KCNA2: variants seen among roughly 807,000 people sequenced by gnomAD.
The protein encoded by KCNA2 is potassium voltage-gated channel subfamily A member 2.
A neutral mutation model predicts 33.4 loss-of-function variants in KCNA2; 11 were observed. That is an observed-to-expected ratio of 0.33 (90% confidence interval 0.21 to 0.55). KCNA2 has a LOEUF of 0.55. KCNA2 is among the 20% of genes least tolerant of loss of function. The pLI is 0.93. For synonymous variants in KCNA2, 222 were observed against 231.3 expected, an observed-to-expected ratio of 0.96 and a Z score of 0.37; for missense variants, 291 against 621.6, an observed-to-expected ratio of 0.47 and a Z score of 5.66.
Position 110,625,615 on chromosome 1 carries a change from C to A in KCNA2, c.-496+5780G>T, listed in dbSNP as rs61784716. Among the ~76,000 whole-genome samples the A allele has an allele frequency of 4.9e-3, 749 of 152,074 alleles. 4 individuals carry two copies. Among genetic ancestry groups the A allele is most frequent in the Middle Eastern group, 0.014 (4 of 294 alleles). ...TTGATAAATTCAATTACAACAACAA[C>A]AAAACTTTTGCACAGTAAAAAATAT... On this transcript the variant is annotated intron_variant, in intron 1 of 4. Coordinates refer to the KCNA2 transcript ENST00000369770.
upstream of KCNA2, chr1:110,607,520 G>A (rs2101419709): frequency 6.6e-6 from 1 of 152,420 alleles, no homozygotes; most frequent in East Asian, 1.9e-4. Context: ...CCGCCACCGA[G>A]CTCGTCACCT....
At position 110,602,117 on chromosome 1, in the gene KCNA2, G is replaced by A. The variant is rs1022138659; in HGVS notation, c.*1166C>T. On this transcript the variant is annotated 3_prime_UTR_variant, in exon 3 of 3. Transcript: ENST00000316361. The stretch of plus-strand genomic sequence containing the variant: ...TTCCTAAGGTGCAGTCATGTGAGGT[G>A]TTCAGATGCTGCCTTCCCCGCTTAC... The A allele has an allele frequency of 6.4e-6, 10 of 1,550,504 alleles. No homozygotes were observed. Among genetic ancestry groups the A allele is most frequent in the Non-Finnish European group, 8.7e-6 (10 of 1,146,988 alleles).
Position 110,598,133 on chromosome 1 carries a change from G to T in KCNA2, c.*5150C>A. 3 of 899,940 alleles carry T rather than the reference G, an allele frequency of 3.3e-6. No homozygotes were observed. Among genetic ancestry groups the T allele is most frequent in the Non-Finnish European group, 2.7e-6 (2 of 751,958 alleles). 55.7% of individuals were successfully genotyped at this position (899,940 alleles called of 1,614,324 possible). ...GGTCATGAGTTCAAACCCGGCAATG[G>T]ATACCTTGCCAAGGCTAGGGGAACC... On this transcript the variant is annotated 3_prime_UTR_variant, in exon 3 of 3. Transcript: ENST00000316361.
At chr1:110,624,873 G>A (rs891904207) in intron 1 of KCNA2, among the ~76,000 whole-genome samples, 3 of 152,142 alleles carry the variant, frequency 2.0e-5, no homozygotes, top group Non-Finnish European at 2.9e-5. Flanking sequence ...GGTTGATATC[G>A]GTGAAAAGTC....
intron 1 of KCNA2, among the ~76,000 whole-genome samples, chr1:110,621,511 G>C (rs1160645823): frequency 6.6e-6 from 1 of 152,034 alleles, no homozygotes; most frequent in Non-Finnish European, 1.5e-5. Flanking sequence ...GATTAGAATG[G>C]AAATTGATAA....
chr1:110,597,423 T>C lies in KCNA2; in HGVS notation c.*5860A>G. 3.0e-6 allele frequency: 3 copies of C among 985,376 alleles called. No individual in the cohort carries two copies. Among genetic ancestry groups the C allele is most frequent in the Non-Finnish European group, 3.6e-6 (3 of 829,932 alleles). The allele number at this position is 985,376 out of a possible 1,614,324, so 61.0% of individuals were successfully genotyped here. A position where few individuals can be genotyped will look rare whatever the true frequency, so the allele number is the denominator to read the frequency against. On this transcript the variant is annotated 3_prime_UTR_variant, in exon 3 of 3. Coordinates refer to ENST00000316361, the MANE Select transcript of KCNA2 (RefSeq NM_004974.4). ...TGAAAAGGTCACACAAACTTAGGAT[T>C]TTCATGCCTAGAGGTTGTAAGGATG...
In KCNA2 at chr1:110,598,143, CAA is replaced by C; in HGVS notation, c.*5138_*5139del. 1.1e-6 allele frequency: 1 copy of C among 877,104 alleles called. No individual in the cohort carries two copies. The highest frequency in any genetic ancestry group is 1.4e-6 in the Non-Finnish European group (1 of 731,098). The allele number at this position is 877,104 out of a possible 1,614,324, so 54.3% of individuals were successfully genotyped here. On this transcript the variant is annotated 3_prime_UTR_variant, in exon 3 of 3. Transcript: ENST00000316361. The stretch of plus-strand genomic sequence containing the variant: ...TCAAACCCGGCAATGGATACCTTGC[CAA>C]GGCTAGGGGAACCTCCATTGTGCAA...
intron 1 of KCNA2, among the ~76,000 whole-genome samples, chr1:110,629,168 T>A (rs1379428829): frequency 2.0e-5 from 3 of 152,186 alleles, no homozygotes; most frequent in Admixed American, 2.0e-4. Flanking sequence ...TAAATCAGAA[T>A]GTCTTGGGGT....
chr1:110,629,754 T>A (rs1229370508), intron 1 of KCNA2, among the ~76,000 whole-genome samples: 1 of 152,184 alleles, frequency 6.6e-6, no homozygotes, highest in Non-Finnish European at 1.5e-5. Flanking sequence ...ATTTATATAC[T>A]CATTCAACAA....
intron 1 of KCNA2, among the ~76,000 whole-genome samples, chr1:110,612,401 C>T (rs1363724668): frequency 5.3e-5 from 8 of 152,212 alleles, no homozygotes; most frequent in Non-Finnish European, 1.2e-4. Flanking sequence ...TTGTAACACA[C>T]TGGTAACAAC....
rs1197586006 is a variant in KCNA2, at chr1:110,603,629, A to G, written c.1154T>C (p.Ile385Thr). The G allele has an allele frequency of 1.1e-5, 18 of 1,613,948 alleles. No homozygotes were observed. Among genetic ancestry groups the G allele is most frequent in the Non-Finnish European group, 1.4e-5 (16 of 1,180,034 alleles). The part of the protein sequence containing the change: ...VGYGDMVPTT[I>T]GGKIVGSLCA... ...TAGGGAACCCACTATCTTTCCCCCA[A>G]TGGTAGTCGGAACCATGTCTCCATA... Residue 385 changes from isoleucine (I) to threonine (T), a missense_variant, in exon 3 of 3, where the codon ATT becomes ACT. Around this residue, in one of 5 missense-constraint regions of KCNA2, gnomAD observed 9 missense variants for 77.4 expected, o/e 0.12. Coordinates refer to ENST00000316361, the MANE Select transcript of KCNA2 (RefSeq NM_004974.4). The surrounding 1 kb of genome is among the most constrained non-coding windows in gnomAD (Gnocchi z 5.7).
At position 110,599,594 on chromosome 1, in the gene KCNA2, A is replaced by C; in HGVS notation, c.*3689T>G. 1.0e-6 allele frequency: 1 copy of C among 985,446 alleles called. No homozygotes were observed. Among genetic ancestry groups the C allele is most frequent in the East Asian group, 1.1e-4 (1 of 8,810 alleles). 61.0% of individuals were successfully genotyped at this position (985,446 alleles called of 1,614,324 possible). A position where few individuals can be genotyped will look rare whatever the true frequency, so the allele number is the denominator to read the frequency against. ...AAGTAAAGGTGGCTCATTTTAAGAG[A>C]CAGGTCTCTATAGGGTCTCAACTTC... On this transcript the variant is annotated 3_prime_UTR_variant, in exon 3 of 3. Coordinates refer to ENST00000316361, the MANE Select transcript of KCNA2 (RefSeq NM_004974.4).
upstream of KCNA2, chr1:110,606,798 G>C (rs1195183342): frequency 6.6e-6 from 1 of 152,314 alleles, no homozygotes; most frequent in African/African-American, 2.4e-5. Context: ...GCGGGGGCTC[G>C]GCGGCAGCCC....
At chr1:110,630,360 A>G (rs549773202) in intron 1 of KCNA2, among the ~76,000 whole-genome samples, 4 of 152,308 alleles carry the variant, frequency 2.6e-5, no homozygotes, top group Admixed American at 6.5e-5. Flanking sequence ...ATATTTAGTT[A>G]CAATTAAAAT....
At chr1:110,619,200 C>T (rs1178765189) in intron 1 of KCNA2, among the ~76,000 whole-genome samples, 1 of 152,154 alleles carries the variant, frequency 6.6e-6, no homozygotes, top group African/African-American at 2.4e-5. Context: ...GGAGACTGTA[C>T]CCCCAAACAT....
At position 110,598,844 on chromosome 1, in the gene KCNA2, C is replaced by G; in HGVS notation, c.*4439G>C. On this transcript the variant is annotated 3_prime_UTR_variant, in exon 3 of 3. Transcript: ENST00000316361. ...TTATTTTCTTAATTAAATGTTGGCT[C>G]CTAAAAAGTTTACTCTGAAATTTGA... 1.0e-6 allele frequency: 1 copy of G among 985,322 alleles called. No individual in the cohort carries two copies. Among genetic ancestry groups the G allele is most frequent in the Non-Finnish European group, 1.2e-6 (1 of 829,902 alleles). The allele number at this position is 985,322 out of a possible 1,614,324, so 61.0% of individuals were successfully genotyped here.
Position 110,604,879 on chromosome 1 carries a change from A to G in KCNA2, c.-97T>C. The G allele has an allele frequency of 8.5e-7, 1 of 1,175,156 alleles. No homozygotes were observed. The highest frequency in any genetic ancestry group is 2.4e-5 in the East Asian group (1 of 42,548). The allele number at this position is 1,175,156 out of a possible 1,614,324, so 72.8% of individuals were successfully genotyped here. A position where few individuals can be genotyped will look rare whatever the true frequency, so the allele number is the denominator to read the frequency against. On this transcript the variant is annotated 5_prime_UTR_variant, in exon 3 of 3. The change abolishes an upstream ATG in the 5' untranslated region. Coordinates refer to ENST00000316361, the MANE Select transcript of KCNA2 (RefSeq NM_004974.4). The surrounding 1 kb of genome is among the most constrained non-coding windows in gnomAD (Gnocchi z 7.6). ...TACTGGCCCCAGGAAGCACAGGAGC[A>G]TTGGCCTGGTCTCCTGCAGGAGAGC...
rs545301864 is a variant in KCNA2 at position 110,595,305 on chromosome 1, T to C, written c.*7978A>G. ...GAGTGCAGAGGAGCACAGAAAGTTATATCCATTTCCATGCTGAGGTTCATG... is the reference window on the plus strand; with the variant it reads ...GAGTGCAGAGGAGCACAGAAAGTTACATCCATTTCCATGCTGAGGTTCATG... On this transcript the variant is annotated 3_prime_UTR_variant, in exon 3 of 3. Transcript: ENST00000316361. 23 of 985,476 alleles carry C rather than the reference T, an allele frequency of 2.3e-5. No homozygotes were observed. The African/African-American group carries it at 3.5e-4, about 15-fold the overall frequency. The allele number at this position is 985,476 out of a possible 1,614,324, so 61.0% of individuals were successfully genotyped here.
chr1:110,603,007 A>C lies in KCNA2; in HGVS notation c.*276T>G, dbSNP rs779689726. On this transcript the variant is annotated 3_prime_UTR_variant, in exon 3 of 3. Transcript: ENST00000316361. The surrounding 1 kb of genome is among the most constrained non-coding windows in gnomAD (Gnocchi z 5.7). ...ACTGATATGGTGCACTGTGTATGGG[A>C]TATGAGGTGGCCTCAACGTGTCTAT... is the stretch of plus-strand genomic sequence containing the variant. 3.0e-6 allele frequency: 4 copies of C among 1,316,714 alleles called. No homozygotes were observed. In the Admixed American group the frequency reaches 1.1e-4, roughly 36 times the overall value. 81.6% of individuals were successfully genotyped at this position (1,316,714 alleles called of 1,614,324 possible).
Sources: gnomAD v4.1 joint callset for allele counts (sites outside exome capture counted in the v4.1 genomes callset) on GRCh38, gnomAD v4.1.1 for gene constraint, gnomAD v4.1.1 regional missense constraint, Gnocchi (gnomAD v3.1) non-coding constraint, MANE v1.5 for transcripts, NCBI Gene and HGNC (gene_info 2026-07-23, HGNC 2026-07-21) for gene names.